Variants in LTBP1 observed in about 807,000 individuals in gnomAD.
LTBP1 encodes latent-transforming growth factor beta-binding protein 1.
In LTBP1, 129 loss-of-function variants were observed where a neutral mutation model predicts 207.6. The ratio of observed to expected loss-of-function variants is 0.62; its 90% CI spans 0.54 to 0.72. The LOEUF (loss-of-function observed/expected upper bound fraction) is 0.72. Among genes scored for constraint, LTBP1 ranks in the 30% least tolerant of loss-of-function variants. The pLI is 0.00. For missense variants in LTBP1, 2,281 were observed against 2,217.2 expected (o/e 1.03, Z -0.58); for synonymous variants, 963 against 833.7 (o/e 1.16, Z -2.67).
At chr2:33,229,189 G>A (rs1181813099) in intron 9 of LTBP1, among the ~76,000 whole-genome samples, 1 of 152,206 alleles carries the variant, frequency 6.6e-6, no homozygotes, top group African/African-American at 2.4e-5. Flanking sequence ...ATGGTTATCA[G>A]CCAGATGTAA....
intron 31 of LTBP1, among the ~76,000 whole-genome samples, chr2:33,383,854 A>G (rs536026366): frequency 9.8e-5 from 15 of 152,290 alleles, no homozygotes; most frequent in Non-Finnish European, 5.9e-5. Context: ...GTTTTTCTTA[A>G]TGCATGAAAA....
At chr2:33,087,531 T>C (rs1395773062) in intron 3 of LTBP1, among the ~76,000 whole-genome samples, 1 of 152,220 alleles carries the variant, frequency 6.6e-6, no homozygotes, top group East Asian at 1.9e-4. Context: ...GGGAATTTAT[T>C]GTGTAACAGA....
chr2:33,363,366 A>G (rs1307650855), intron 28 of LTBP1, 24 bp from the exon 29 acceptor site: 3 of 1,611,294 alleles, frequency 1.9e-6, no homozygotes, highest in Non-Finnish European at 2.5e-6. Context: ...TCCTTTTTGT[A>G]TTTCTCAATT....
chr2:33,234,201 T>C (rs2091928880), intron 9 of LTBP1, among the ~76,000 whole-genome samples: 1 of 152,188 alleles, frequency 6.6e-6, no homozygotes, highest in Non-Finnish European at 1.5e-5. Context: ...TTCCATCTTG[T>C]TCTTCTCTGA....
At chr2:32,959,675 C>T (rs372429067) in intron 2 of LTBP1, among the ~76,000 whole-genome samples, 167 of 131,896 alleles carry the variant, frequency 1.3e-3, no homozygotes, top group African/African-American at 4.6e-3. Flanking sequence ...GGCTCTAGTG[C>T]AGTGGCGTGA....
At chr2:33,228,717 T>TTTTTTTTTTTTTTTTTTTG (rs1553461062) in intron 9 of LTBP1, among the ~76,000 whole-genome samples, 2 of 144,192 alleles carry the variant, frequency 1.4e-5, no homozygotes, top group African/African-American at 2.6e-5. Context: ...TTTTTTTTTT[T>TTTTTTTTTTTTTTTTTTTG]TGAGATGGAG....
intron 5 of LTBP1, among the ~76,000 whole-genome samples, chr2:33,181,072 G>A (rs1415364984): frequency 6.6e-6 from 1 of 152,136 alleles, no homozygotes; most frequent in Non-Finnish European, 1.5e-5. Context: ...CCTTTGCCAC[G>A]ATAACTTGAA....
At chr2:33,194,060 C>A (rs2088247575) in intron 7 of LTBP1, among the ~76,000 whole-genome samples, 1 of 152,114 alleles carries the variant, frequency 6.6e-6, no homozygotes, top group Admixed American at 6.5e-5. Context: ...GATCCTGGCT[C>A]ACTGCAAGGT....
intron 10 of LTBP1, among the ~76,000 whole-genome samples, chr2:33,250,313 A>G (rs1558884418): frequency 6.6e-6 from 1 of 152,250 alleles, no homozygotes; most frequent in African/African-American, 2.4e-5. Context: ...TGAAAGCATC[A>G]GTAAAATTTC....
chr2:33,226,563 G>T (rs1183008840), intron 9 of LTBP1, among the ~76,000 whole-genome samples: 1 of 152,224 alleles, frequency 6.6e-6, no homozygotes, highest in Non-Finnish European at 1.5e-5. Flanking sequence ...TAGCCATCCG[G>T]AGCAGCAGTC....
intron 23 of LTBP1, among the ~76,000 whole-genome samples, chr2:33,310,400 C>G (rs2094167043): frequency 6.6e-6 from 1 of 152,212 alleles, no homozygotes; most frequent in Non-Finnish European, 1.5e-5. Context: ...CAACACAACA[C>G]AGGTACTAAT....
chr2:33,150,791 G>T (rs1205307496), intron 5 of LTBP1, among the ~76,000 whole-genome samples: 1 of 137,198 alleles, frequency 7.3e-6, no homozygotes, highest in Non-Finnish European at 1.5e-5. Flanking sequence ...ACCTCCACCT[G>T]GGAGGCGGAG....
chr2:32,956,235 CTCTT>C (rs1477774817), intron 2 of LTBP1, among the ~76,000 whole-genome samples: 1 of 152,172 alleles, frequency 6.6e-6, no homozygotes, highest in Non-Finnish European at 1.5e-5. Context: ...CACTAATTGA[CTCTT>C]CCTTTCGTGA....
intron 2 of LTBP1, among the ~76,000 whole-genome samples, chr2:32,994,220 A>G (rs13429370): frequency 0.11 from 17,123 of 152,152 alleles, 1,231 homozygotes; most frequent in African/African-American, 0.2. Context: ...AGTTAGCAAG[A>G]GTTAACATTC....
intron 9 of LTBP1, among the ~76,000 whole-genome samples, chr2:33,227,279 C>T (rs958255966): frequency 2.0e-5 from 3 of 152,092 alleles, no homozygotes; most frequent in South Asian, 2.1e-4. Flanking sequence ...CACCCGTCTC[C>T]ACCTCCAGAA....
chr2:33,230,531 G>T (rs1322685133), intron 9 of LTBP1, among the ~76,000 whole-genome samples: 1 of 152,122 alleles, frequency 6.6e-6, no homozygotes, highest in African/African-American at 2.4e-5. Context: ...TGCTCTGATG[G>T]ATCTAGAGCA....
chr2:33,210,493 T>C (rs9308933), intron 7 of LTBP1, among the ~76,000 whole-genome samples: 3,121 of 152,318 alleles, frequency 0.02, 110 homozygotes, highest in African/African-American at 0.071. Context: ...TTCATCCTCA[T>C]CAGTCTTTCT....
chr2:33,240,994 T>C (rs2092302497), intron 9 of LTBP1, among the ~76,000 whole-genome samples: 1 of 152,178 alleles, frequency 6.6e-6, no homozygotes, highest in Admixed American at 6.5e-5. Flanking sequence ...ACACCACAAG[T>C]AGATATGCAA....
intron 9 of LTBP1, among the ~76,000 whole-genome samples, chr2:33,243,301 G>A (rs917958844): frequency 2.0e-5 from 3 of 152,146 alleles, no homozygotes; most frequent in Non-Finnish European, 2.9e-5. Context: ...ATATTCATAT[G>A]TATAGTTAGA....
Sources: gnomAD v4.1 joint callset for allele counts (sites outside exome capture counted in the v4.1 genomes callset) on GRCh38, gnomAD v4.1.1 for gene constraint, MANE v1.5 for transcripts, NCBI Gene and HGNC (gene_info 2026-07-23, HGNC 2026-07-21) for gene names.